Variants in TET3 observed in about 807,000 individuals in gnomAD.
The protein encoded by TET3 is methylcytosine dioxygenase TET3.
Under a neutral mutation model 141.4 loss-of-function variants are expected in TET3, and 19 were observed. The ratio of observed to expected loss-of-function variants is 0.13; its 90% CI spans 0.09 to 0.20. The LOEUF (loss-of-function observed/expected upper bound fraction) is 0.20, where lower values mean the gene tolerates loss of function less well. TET3 is among the 10% of genes least tolerant of loss of function. TET3 has a pLI of 1.00. For missense variants in TET3, 1,874 were observed against 2,356.9 expected, an observed-to-expected ratio of 0.80 and a Z score of 4.24; for synonymous variants, 1,043 against 980.9, an observed-to-expected ratio of 1.06 and a Z score of -1.18.
rs767538752 is a variant in TET3 at position 74,100,771 on chromosome 2, T to C, written c.3983T>C (p.Leu1328Pro). ...GACCTCCACGCTCTGCACAACAGCC[T>C]GAGCCCGGCCTACGGTGGTGCTGAG... is the stretch of plus-strand genomic sequence containing the variant. ...KPDLHALHNS[L>P]SPAYGGAEFA... The change falls in exon 12 of 12, where the codon CTG becomes CCG. Residue 1328 changes from leucine (L) to proline (P), a missense_variant. Around this residue, in one of 10 missense-constraint regions of TET3, gnomAD observed 602 missense variants for 590.2 expected, o/e 1.02. Transcript: ENST00000409262. 1.9e-4 allele frequency: 302 copies of C among 1,613,356 alleles called. No individual in the cohort carries two copies. Among genetic ancestry groups the C allele is most frequent in the Non-Finnish European group, 2.5e-4 (290 of 1,179,682 alleles).
At chr2:74,005,774 T>C (rs1685122254) in intron 3 of TET3, among the ~76,000 whole-genome samples, 1 of 152,216 alleles carries the variant, frequency 6.6e-6, no homozygotes, top group Non-Finnish European at 1.5e-5. Flanking sequence ...GTCCACATAG[T>C]GCCTAGCATA....
the TET3 span, chr2:74,134,970 T>C: frequency 3.4e-6 from 1 of 291,178 alleles, no homozygotes; most frequent in South Asian, 3.1e-5. Flanking sequence ...AATATCTGCC[T>C]GTGCCTCAGC....
intron 3 of TET3, among the ~76,000 whole-genome samples, chr2:74,012,462 TTC>T (rs1558710269): frequency 6.6e-6 from 1 of 152,196 alleles, no homozygotes; most frequent in African/African-American, 2.4e-5. Context: ...GTTTTCATAG[TTC>T]TCTCTTAGTT....
At chr2:74,052,625 A>C (rs1328509435) in intron 4 of TET3, among the ~76,000 whole-genome samples, 1 of 151,484 alleles carries the variant, frequency 6.6e-6, no homozygotes, top group Non-Finnish European at 1.5e-5. Context: ...TAATCCCAGC[A>C]CTTTGGGAGG....
chr2:74,020,450 A>G (rs1037738791), intron 3 of TET3, among the ~76,000 whole-genome samples: 1 of 152,230 alleles, frequency 6.6e-6, no homozygotes, highest in Non-Finnish European at 1.5e-5. Flanking sequence ...TTGGGATTAC[A>G]GGCATGAGCC....
chr2:74,134,673 G>A, the TET3 span: 4 of 456,504 alleles, frequency 8.8e-6, no homozygotes, highest in East Asian at 2.8e-4. Flanking sequence ...GTCTGTGGGG[G>A]CAGTCACAAG....
At chr2:74,085,107 T>C (rs1032530482) in intron 6 of TET3, among the ~76,000 whole-genome samples, 6 of 151,342 alleles carry the variant, frequency 4.0e-5, no homozygotes, top group Non-Finnish European at 1.5e-5. Flanking sequence ...CGGTGTACTT[T>C]GAAATGATTA....
At position 74,047,018 on chromosome 2, in the gene TET3, C is replaced by T. The variant is rs370396109; in HGVS notation, c.1101C>T (p.Ser367=). ...CCATTGAGGCCCTCACACAGCTCTC[C>T]TCTGCCCTCCCGCAGCCTTCTCATT... The part of the protein sequence containing the change: ...AIAIEALTQL[S]SALPQPSHST... Residue 367 remains serine, a synonymous_variant, in exon 4 of 12, where the codon TCC becomes TCT. Transcript: ENST00000409262. 1.4e-3 allele frequency: 2,281 copies of T among 1,614,020 alleles called. 5 individuals carry two copies. Among genetic ancestry groups the T allele is most frequent in the Non-Finnish European group, 1.8e-3 (2,119 of 1,179,880 alleles).
Position 74,100,698 on chromosome 2 carries a change from G to T in TET3, c.3910G>T (p.Gly1304Cys), listed in dbSNP as rs1298426920. ...CTTCCCCTCTCAGTTCCTGGGTCCT[G>T]GTGCCTGGGGGCACAGTGGCAGCAG... Reference protein sequence around the residue: ...PVFPSQFLGPGAWGHSGSSGS... With the variant: ...PVFPSQFLGPCAWGHSGSSGS... The change falls in exon 12 of 12, where the codon GGT (glycine) becomes TGT (cysteine). Residue 1304 changes from glycine to cysteine, a missense_variant. Physicochemically the swap from Gly to Cys is radical, Grantham distance 159. This residue lies in a region of TET3 where 602 missense variants were observed against 590.2 expected (regional missense o/e 1.02). Transcript: ENST00000409262. 2.5e-6 allele frequency: 4 copies of T among 1,613,986 alleles called. No individual in the cohort carries two copies. The South Asian group carries it at 3.3e-5, about 13-fold the overall frequency.
chr2:74,083,604 C>G (rs898226156), intron 6 of TET3, among the ~76,000 whole-genome samples: 1 of 152,304 alleles, frequency 6.6e-6, no homozygotes, highest in Middle Eastern at 3.4e-3. Context: ...GTTTGTGCCT[C>G]TGTCAGCCTT....
intron 2 of TET3, chr2:73,993,324 G>T (rs1156324965): frequency 6.6e-6 from 1 of 152,258 alleles, no homozygotes; most frequent in Non-Finnish European, 1.5e-5. Flanking sequence ...TTGCTGCTCA[G>T]TGGACCAGCA....
At chr2:74,039,945 C>T (rs1038250234) in intron 3 of TET3, among the ~76,000 whole-genome samples, 59 of 152,108 alleles carry the variant, frequency 3.9e-4, no homozygotes, top group African/African-American at 1.4e-3. Flanking sequence ...TCTATTATCA[C>T]GAGCCCACCC....
chr2:74,117,790 G>A, the TET3 span, among the ~76,000 whole-genome samples: 1 of 152,060 alleles, frequency 6.6e-6, no homozygotes, highest in African/African-American at 2.4e-5. Context: ...CTGTCGCCCA[G>A]GCTGGAACGC....
At chr2:74,113,647 T>C in the TET3 span, among the ~76,000 whole-genome samples, 1 of 151,794 alleles carries the variant, frequency 6.6e-6, no homozygotes, top group African/African-American at 2.4e-5. Context: ...TTTCCATACA[T>C]GTACAACAAA....
At position 74,100,576 on chromosome 2, in the gene TET3, A is replaced by G. The variant is rs369161968; in HGVS notation, c.3788A>G (p.Tyr1263Cys). Residue 1263 changes from tyrosine (Y) to cysteine (C), a missense_variant, in exon 12 of 12, where the codon TAC (tyrosine) becomes TGC (cysteine). This residue lies in a region of TET3 where 602 missense variants were observed against 590.2 expected (regional missense o/e 1.02). Coordinates refer to ENST00000409262, the MANE Select transcript of TET3 (RefSeq NM_001287491.2). ...AACAGCGTGTACTCCTACCACTCCT[A>G]CTATGCACAGCCCAGCCTGACCTCC... is the stretch of plus-strand genomic sequence containing the variant. ...SMNSVYSYHS[Y>C]YAQPSLTSVN... is the part of the protein sequence containing the mutation. The G allele has an allele frequency of 6.2e-6, 10 of 1,613,472 alleles. No homozygotes were observed. The highest frequency in any genetic ancestry group is 1.7e-5 in the Admixed American group (1 of 59,944).
At position 74,106,366 on chromosome 2, in the gene TET3, GTA is replaced by G. The variant is rs1176210835; in HGVS notation, c.*4191_*4192del. ...TTTGTTTTTGAGGAAGGGGAGTTGGGTACTTCTGCCTCTCCTAGCATGATAGG... is the reference window on the plus strand; with the variant it reads ...TTTGTTTTTGAGGAAGGGGAGTTGGGCTTCTGCCTCTCCTAGCATGATAGG... On this transcript the variant is annotated 3_prime_UTR_variant, in exon 12 of 12. Transcript: ENST00000409262. 6.5e-6 allele frequency: 1 copy of G among 153,586 alleles called. No individual in the cohort carries two copies. The highest frequency in any genetic ancestry group is 1.5e-5 in the Non-Finnish European group (1 of 68,092). 9.5% of individuals were successfully genotyped at this position (153,586 alleles called of 1,614,324 possible). A position where few individuals can be genotyped will look rare whatever the true frequency, so the allele number is the denominator to read the frequency against.
intron 3 of TET3, among the ~76,000 whole-genome samples, chr2:74,031,045 T>G (rs1195378560): frequency 1.3e-5 from 2 of 152,034 alleles, no homozygotes; most frequent in Non-Finnish European, 1.5e-5. Flanking sequence ...GTGATGGGCT[T>G]AAGTTGCATT....
rs984381589 is a variant in TET3 at position 74,079,841 on chromosome 2, A to T, written c.2586-657A>T. Reference sequence around the variant, plus strand: ...ATAAGTCAGTTCAACTCCAGGGGCCATAGTTGCACCATCTCTGAATATAGT... The same window carrying T: ...ATAAGTCAGTTCAACTCCAGGGGCCTTAGTTGCACCATCTCTGAATATAGT... On this transcript the variant is annotated intron_variant, in intron 5 of 11. Transcript: ENST00000409262. Among the ~76,000 whole-genome samples the T allele has an allele frequency of 2.0e-5, 3 of 152,176 alleles. No individual in the cohort carries two copies. In the East Asian group the frequency reaches 5.8e-4, roughly 29 times the overall value.
the TET3 span, among the ~76,000 whole-genome samples, chr2:74,123,718 C>A: frequency 2.0e-5 from 3 of 152,024 alleles, no homozygotes; most frequent in African/African-American, 7.2e-5. Flanking sequence ...GCCTGGCCGC[C>A]CATCGTCAGG....
Sources: allele counts gnomAD v4.1 joint callset (sites outside exome capture counted in the v4.1 genomes callset), GRCh38; gene constraint gnomAD v4.1.1; regional missense constraint gnomAD v4.1.1; transcripts MANE v1.5; gene names NCBI Gene and HGNC (gene_info 2026-07-23, HGNC 2026-07-21).